ADGRL2: variants seen among roughly 807,000 people sequenced by gnomAD.
ADGRL2 encodes adhesion G protein-coupled receptor L2, also known as calcium-independent alpha-latrotoxin receptor 2.
In ADGRL2, 44 loss-of-function variants were observed where a neutral mutation model predicts 157.4. The ratio of observed to expected loss-of-function variants is 0.28; its 90% CI spans 0.22 to 0.36. ADGRL2 has a LOEUF of 0.36. Among genes scored for constraint, ADGRL2 ranks in the 10% least tolerant of loss-of-function variants. ADGRL2 has a pLI of 1.00. For synonymous variants in ADGRL2, 585 were observed against 624.7 expected, an observed-to-expected ratio of 0.94 and a Z score of 0.95; for missense variants, 1,510 against 1,768.9, an observed-to-expected ratio of 0.85 and a Z score of 2.63.
At chr1:81,661,911 T>C (rs899806219) in intron 3 of ADGRL2, among the ~76,000 whole-genome samples, 8 of 152,198 alleles carry the variant, frequency 5.3e-5, no homozygotes, top group African/African-American at 1.7e-4. Flanking sequence ...CTGTATACCA[T>C]TTTGAATGCC....
At chr1:81,707,499 T>C (rs991611653) in intron 1 of ADGRL2, among the ~76,000 whole-genome samples, 2 of 152,208 alleles carry the variant, frequency 1.3e-5, no homozygotes, top group Admixed American at 6.5e-5. Context: ...TTAAAAGCTA[T>C]AGAATTCTCA....
At chr1:81,941,574 T>C (rs1362306425) in intron 4 of ADGRL2, among the ~76,000 whole-genome samples, 1 of 151,838 alleles carries the variant, frequency 6.6e-6, no homozygotes. Flanking sequence ...TCTATTGTTA[T>C]GCTTATCTAA....
intron 3 of ADGRL2, among the ~76,000 whole-genome samples, chr1:81,650,019 GTTAT>G (rs2082382650): frequency 6.6e-6 from 1 of 150,558 alleles, no homozygotes; most frequent in African/African-American, 2.4e-5. Flanking sequence ...AGTTTGTGGG[GTTAT>G]TTGTGGGTGA....
intron 2 of ADGRL2, among the ~76,000 whole-genome samples, chr1:81,472,420 C>T (rs1479477466): frequency 2.0e-5 from 3 of 152,190 alleles, no homozygotes; most frequent in African/African-American, 7.2e-5. Flanking sequence ...ATTGCCTGAG[C>T]TGAGGAGTTG....
intron 1 of ADGRL2, among the ~76,000 whole-genome samples, chr1:81,831,085 T>C (rs1486502516): frequency 3.9e-5 from 6 of 152,192 alleles, no homozygotes; most frequent in African/African-American, 1.4e-4. Flanking sequence ...TTTTCTGTTA[T>C]ACTTACCCGA....
chr1:81,815,445 C>G (rs945751652), intron 1 of ADGRL2, among the ~76,000 whole-genome samples: 1 of 151,710 alleles, frequency 6.6e-6, no homozygotes, highest in Admixed American at 6.6e-5. Flanking sequence ...AATTTCACCT[C>G]GAGAAAATCT....
intron 1 of ADGRL2, among the ~76,000 whole-genome samples, chr1:81,341,456 T>G (rs1341780365): frequency 6.6e-6 from 1 of 151,958 alleles, no homozygotes; most frequent in Admixed American, 6.5e-5. Flanking sequence ...GATTTTTTTT[T>G]TTGTTTTTTT....
chr1:81,552,700 G>C (rs148181323), intron 2 of ADGRL2, among the ~76,000 whole-genome samples: 2 of 150,968 alleles, frequency 1.3e-5, no homozygotes, highest in African/African-American at 2.4e-5. Flanking sequence ...ATACATGAAA[G>C]GGTTTAAGCT....
chr1:81,830,367 G>A (rs2091857460), intron 1 of ADGRL2, among the ~76,000 whole-genome samples: 2 of 152,172 alleles, frequency 1.3e-5, no homozygotes, highest in African/African-American at 4.8e-5. Context: ...GGCAAGAAAT[G>A]TAAGTTTAGA....
At chr1:81,381,704 A>G (rs2076348087) in intron 1 of ADGRL2, among the ~76,000 whole-genome samples, 1 of 152,166 alleles carries the variant, frequency 6.6e-6, no homozygotes, top group African/African-American at 2.4e-5. Context: ...TAATACATTG[A>G]TTCGCCATTT....
At chr1:81,924,246 G>A (rs1302869983) in intron 3 of ADGRL2, among the ~76,000 whole-genome samples, 1 of 151,398 alleles carries the variant, frequency 6.6e-6, no homozygotes, top group Non-Finnish European at 1.5e-5. Flanking sequence ...CCTCAGACTA[G>A]AAGCATAGTA....
chr1:81,950,644 A>G (rs183240296), intron 7 of ADGRL2, among the ~76,000 whole-genome samples, 162 bp downstream of exon 7: 32 of 152,260 alleles, frequency 2.1e-4, no homozygotes, highest in Non-Finnish European at 4.0e-4. Context: ...TTAAACTGTA[A>G]AAGTCATTTA....
intron 2 of ADGRL2, among the ~76,000 whole-genome samples, chr1:81,840,051 C>G (rs2092503043): frequency 1.4e-5 from 2 of 142,534 alleles, no homozygotes; most frequent in African/African-American, 5.0e-5. Context: ...CTGCTGTAAC[C>G]ATGCATGAAG....
chr1:81,663,241 C>T (rs957940742), intron 3 of ADGRL2, among the ~76,000 whole-genome samples: 10 of 152,082 alleles, frequency 6.6e-5, no homozygotes, highest in Middle Eastern at 3.4e-3. Flanking sequence ...GAGTCTTCAC[C>T]GCACCCAAAT....
chr1:81,462,995 G>A (rs967191867), intron 2 of ADGRL2, among the ~76,000 whole-genome samples: 1 of 151,326 alleles, frequency 6.6e-6, no homozygotes, highest in African/African-American at 2.4e-5. Flanking sequence ...CACACCTGTA[G>A]TCTCAGGTAC....
chr1:81,581,270 T>A (rs1164001399), intron 3 of ADGRL2, among the ~76,000 whole-genome samples: 1 of 152,232 alleles, frequency 6.6e-6, no homozygotes, highest in Admixed American at 6.5e-5. Flanking sequence ...TAGTAAAATG[T>A]ATGTAAAGTA....
chr1:81,712,160 T>C lies in ADGRL2; in HGVS notation c.-143+12352T>C, dbSNP rs149649921. Among the ~76,000 whole-genome samples the C allele has an allele frequency of 6.6e-5, 10 of 152,244 alleles. No homozygotes were observed. In the East Asian group the frequency reaches 1.6e-3, roughly 24 times the overall value. ...ATGGCAACTGGATTAAAAAAATATA[T>C]GCCCAGTCAAGTAAGGCCATTAATA... is the stretch of plus-strand genomic sequence containing the variant. On this transcript the variant is annotated intron_variant, in intron 1 of 20. Transcript: ENST00000359929.
At chr1:81,690,762 G>A (rs1279709628) in intron 3 of ADGRL2, among the ~76,000 whole-genome samples, 2 of 152,086 alleles carry the variant, frequency 1.3e-5, no homozygotes, top group Non-Finnish European at 2.9e-5. Context: ...TTTTCCTGCT[G>A]AGATTCCTAA....
At chr1:81,858,133 T>G (rs2093269313) in intron 2 of ADGRL2, among the ~76,000 whole-genome samples, 1 of 152,110 alleles carries the variant, frequency 6.6e-6, no homozygotes, top group Non-Finnish European at 1.5e-5. Context: ...TCTCTAACAC[T>G]CTGAGGTATA....
Sources: gnomAD v4.1 joint callset for allele counts (sites outside exome capture counted in the v4.1 genomes callset) on GRCh38, gnomAD v4.1.1 for gene constraint, MANE v1.5 for transcripts, NCBI Gene and HGNC (gene_info 2026-07-23, HGNC 2026-07-21) for gene names.